The following GPC6 variants were observed in gnomAD, a reference collection of about 807,000 sequenced individuals.
GPC6 encodes glypican 6, also known as glypican-6.
In GPC6, 14 loss-of-function variants were observed where a neutral mutation model predicts 55.2. The ratio of observed to expected loss-of-function variants is 0.25; its 90% CI spans 0.17 to 0.40. The LOEUF is 0.40. GPC6 is among the 10% of genes least tolerant of loss of function. GPC6 has a pLI of 1.00. For synonymous variants in GPC6, 278 were observed against 259.6 expected, an observed-to-expected ratio of 1.07 and a Z score of -0.68; for missense variants, 641 against 708.5, an observed-to-expected ratio of 0.90 and a Z score of 1.08.
intron 3 of GPC6, among the ~76,000 whole-genome samples, chr13:93,948,655 A>G (rs1403634768): frequency 1.3e-5 from 2 of 152,200 alleles, no homozygotes; most frequent in East Asian, 3.8e-4. Flanking sequence ...TCCAAATGCA[A>G]ACACTCTGAA....
chr13:93,697,753 G>A (rs953844299), intron 2 of GPC6, among the ~76,000 whole-genome samples: 7 of 152,094 alleles, frequency 4.6e-5, no homozygotes, highest in African/African-American at 1.7e-4. Flanking sequence ...TAGATCATAC[G>A]TTGATTAGAT....
At chr13:93,317,349 C>G (rs1235581040) in intron 1 of GPC6, among the ~76,000 whole-genome samples, 1 of 152,068 alleles carries the variant, frequency 6.6e-6, no homozygotes, top group South Asian at 2.1e-4. Flanking sequence ...TAATATTAAT[C>G]TTTACAACCA....
At chr13:94,342,752 C>T (rs976882558) in intron 6 of GPC6, among the ~76,000 whole-genome samples, 2 of 152,138 alleles carry the variant, frequency 1.3e-5, no homozygotes, top group Admixed American at 6.5e-5. Flanking sequence ...GTGTTGGGAA[C>T]TTTATCAGGA....
chr13:94,002,476 C>G (rs1307776303), intron 3 of GPC6, among the ~76,000 whole-genome samples: 4 of 152,062 alleles, frequency 2.6e-5, no homozygotes, highest in Non-Finnish European at 5.9e-5. Flanking sequence ...CAATATTGAC[C>G]TAGATTTATC....
intron 3 of GPC6, among the ~76,000 whole-genome samples, chr13:93,963,986 C>T (rs572424581): frequency 2.4e-4 from 37 of 152,264 alleles, no homozygotes; most frequent in Non-Finnish European, 4.9e-4. Flanking sequence ...ATTTTTTCAT[C>T]CTTTCTAATG....
At chr13:94,068,152 C>T (rs1884601112) in intron 4 of GPC6, among the ~76,000 whole-genome samples, 1 of 152,152 alleles carries the variant, frequency 6.6e-6, no homozygotes, top group South Asian at 2.1e-4. Context: ...TATAGTTCCA[C>T]ATGGCTGGGG....
At chr13:93,954,707 TC>T (rs1879420507) in intron 3 of GPC6, among the ~76,000 whole-genome samples, 1 of 152,128 alleles carries the variant, frequency 6.6e-6, no homozygotes, top group Non-Finnish European at 1.5e-5. Flanking sequence ...CCTGGGAAGC[TC>T]CCAGCAGACA....
intron 2 of GPC6, among the ~76,000 whole-genome samples, chr13:93,776,520 T>A (rs1885474450): frequency 1.3e-5 from 2 of 152,170 alleles, no homozygotes; most frequent in South Asian, 4.1e-4. Flanking sequence ...CCCAGTATCA[T>A]ACTGGGATAA....
Position 93,510,991 on chromosome 13 carries a change from A to ATATATGTG in GPC6, c.161-34267_161-34266insGTGTATAT, listed in dbSNP as rs1555306607. ...TATATGTGTATATATATATGTGTAT[A>ATATATGTG]TATATATATATATATTCATGTCCTT... On this transcript the variant is annotated intron_variant, in intron 1 of 8. Transcript: ENST00000377047. 4.0e-4 allele frequency among the ~76,000 whole-genome samples: 16 copies of ATATATGTG among 40,238 alleles called. 1 individual carries two copies. The highest frequency in any genetic ancestry group is 1.3e-3 in the African/African-American group (12 of 9,180). 26.4% of individuals were successfully genotyped at this position (40,238 alleles called of 152,430 possible). A position where few individuals can be genotyped will look rare whatever the true frequency, so the allele number is the denominator to read the frequency against.
intron 1 of GPC6, among the ~76,000 whole-genome samples, chr13:93,282,392 C>T (rs1877982909): frequency 6.6e-6 from 1 of 152,104 alleles, no homozygotes; most frequent in African/African-American, 2.4e-5. Flanking sequence ...CTCATCCTCT[C>T]TTCCCAGATT....
chr13:94,024,130 CACACAA>C (rs1431000878), intron 3 of GPC6, among the ~76,000 whole-genome samples: 1 of 151,568 alleles, frequency 6.6e-6, no homozygotes, highest in Non-Finnish European at 1.5e-5. Flanking sequence ...CACACACACA[CACACAA>C]GTGAATACAG....
chr13:94,380,678 G>A (rs1485988504), intron 6 of GPC6, among the ~76,000 whole-genome samples: 1 of 152,038 alleles, frequency 6.6e-6, no homozygotes, highest in African/African-American at 2.4e-5. Context: ...GTATTCTCCT[G>A]TGTTACCACA....
intron 2 of GPC6, among the ~76,000 whole-genome samples, chr13:93,665,335 T>C (rs763638278): frequency 3.3e-5 from 5 of 152,226 alleles, no homozygotes; most frequent in Non-Finnish European, 7.3e-5. Context: ...TAAAAATCAA[T>C]TTGCAGCACT....
chr13:93,310,630 T>G lies in GPC6; in HGVS notation c.160+83014T>G, dbSNP rs78175718. ...GAAAATCCTGTATATAATTTTCCGG[T>G]TTTGGAAAGTTAGTCTACTATATAT... is the stretch of plus-strand genomic sequence containing the variant. On this transcript the variant is annotated intron_variant, in intron 1 of 8. Transcript: ENST00000377047. 5.3e-4 allele frequency among the ~76,000 whole-genome samples: 81 copies of G among 152,336 alleles called. 1 individual carries two copies. Among genetic ancestry groups the G allele is most frequent in the African/African-American group, 1.9e-3 (79 of 41,578 alleles).
chr13:94,338,974 C>G (rs1327130648), intron 6 of GPC6, among the ~76,000 whole-genome samples: 2 of 152,136 alleles, frequency 1.3e-5, no homozygotes, highest in Admixed American at 6.5e-5. Context: ...GCATTGTGCT[C>G]TAGCCATTGA....
chr13:94,038,302 C>T (rs906141186), intron 4 of GPC6, among the ~76,000 whole-genome samples: 2 of 151,886 alleles, frequency 1.3e-5, no homozygotes, highest in Non-Finnish European at 2.9e-5. Context: ...GGCTCAACCT[C>T]TGAATATGTT....
chr13:93,713,079 G>T (rs1883128409), intron 2 of GPC6, among the ~76,000 whole-genome samples: 1 of 151,458 alleles, frequency 6.6e-6, no homozygotes, highest in African/African-American at 2.4e-5. Context: ...GATGTATCTG[G>T]ATGGCTCTTT....
At chr13:93,722,478 T>C (rs1198940823) in intron 2 of GPC6, among the ~76,000 whole-genome samples, 1 of 151,850 alleles carries the variant, frequency 6.6e-6, no homozygotes, top group African/African-American at 2.4e-5. Context: ...GACCTAAGTC[T>C]TACTAGTGCC....
At chr13:93,427,113 A>G (rs1185371211) in intron 1 of GPC6, among the ~76,000 whole-genome samples, 1 of 149,654 alleles carries the variant, frequency 6.7e-6, no homozygotes, top group African/African-American at 2.5e-5. Flanking sequence ...AATTTGTTTG[A>G]GTTCATTGTA....
Sources: gnomAD v4.1 joint callset for allele counts (sites outside exome capture counted in the v4.1 genomes callset) on GRCh38, gnomAD v4.1.1 for gene constraint, MANE v1.5 for transcripts, NCBI Gene and HGNC (gene_info 2026-07-23, HGNC 2026-07-21) for gene names.